MARCHF7: variants seen among roughly 807,000 people sequenced by gnomAD.
MARCHF7 encodes the protein E3 ubiquitin-protein ligase MARCHF7.
In MARCHF7, 20 loss-of-function variants were observed where a neutral mutation model predicts 76.5. The observed-to-expected ratio is 0.26, with a 90% CI of 0.18 to 0.38. MARCHF7 has a LOEUF of 0.38. Among genes scored for constraint, MARCHF7 ranks in the 10% least tolerant of loss-of-function variants. MARCHF7 has a pLI of 1.00. For missense variants in MARCHF7, 797 were observed against 812.9 expected (o/e 0.98, Z 0.24); for synonymous variants, 295 against 293.0 (o/e 1.01, Z -0.07).
rs772021180 is a variant in MARCHF7 at position 159,748,443 on chromosome 2, T to C, written c.1153T>C (p.Trp385Arg). 2.5e-6 allele frequency: 4 copies of C among 1,614,138 alleles called. No homozygotes were observed. The South Asian group carries it at 4.4e-5, about 18-fold the overall frequency. The change falls in exon 7 of 12, where the codon TGG becomes CGG. Residue 385 changes from tryptophan to arginine, a missense_variant. Around this residue, in one of 3 missense-constraint regions of MARCHF7, gnomAD observed 643 missense variants for 631.5 expected, o/e 1.02. Coordinates refer to ENST00000409175, the MANE Select transcript of MARCHF7 (RefSeq NM_001282805.2). ...ATCTGAAGGTAGAAATACAGGACCA[T>C]GGTTATCTTCCTCACTTAGAAATAG... ...QESEGRNTGP[W>R]LSSSLRNRCT...
rs1708114691 is a variant in MARCHF7, at chr2:159,770,625, AC to A, written c.*3285del. 3 of 152,202 alleles carry A rather than the reference AC, an allele frequency of 2.0e-5. No homozygotes were observed. The highest frequency in any genetic ancestry group is 2.0e-4 in the Admixed American group (3 of 15,280). 9.4% of individuals were successfully genotyped at this position (152,202 alleles called of 1,614,324 possible). A position where few individuals can be genotyped will look rare whatever the true frequency, so the allele number is the denominator to read the frequency against. Reference sequence around the variant, plus strand: ...GACAGTATACTTCAGTCAGTAATGGACCACATATAGAACAGTGTTTCCTTAG... The same window carrying A: ...GACAGTATACTTCAGTCAGTAATGGACACATATAGAACAGTGTTTCCTTAG... On this transcript the variant is annotated 3_prime_UTR_variant, in exon 12 of 12. Coordinates refer to ENST00000409175, the MANE Select transcript of MARCHF7 (RefSeq NM_001282805.2).
Position 159,718,341 on chromosome 2 carries a change from T to A in MARCHF7, c.-15+2575T>A, listed in dbSNP as rs1701265405. 3.3e-5 allele frequency among the ~76,000 whole-genome samples: 5 copies of A among 152,330 alleles called. No homozygotes were observed. The South Asian group carries it at 1.0e-3, about 32-fold the overall frequency. ...GGAAAAAAATAGGAAATGAATTTTA[T>A]TAATATATTAAATACATATTTATTA... On this transcript the variant is annotated intron_variant, in intron 3 of 11. Coordinates refer to ENST00000409175, the MANE Select transcript of MARCHF7 (RefSeq NM_001282805.2).
intron 4 of MARCHF7, among the ~76,000 whole-genome samples, chr2:159,738,807 C>T (rs1703773850): frequency 6.6e-6 from 1 of 152,200 alleles, no homozygotes; most frequent in African/African-American, 2.4e-5. Context: ...CAGGCCATCC[C>T]AGGCTTAAAG....
chr2:159,736,682 T>C (rs988323989), intron 4 of MARCHF7, among the ~76,000 whole-genome samples: 2 of 152,248 alleles, frequency 1.3e-5, no homozygotes, highest in Non-Finnish European at 2.9e-5. Context: ...ATGATTTCAT[T>C]GACTATACTT....
intron 4 of MARCHF7, among the ~76,000 whole-genome samples, chr2:159,732,337 A>T (rs1702914352): frequency 6.6e-6 from 1 of 152,160 alleles, no homozygotes; most frequent in African/African-American, 2.4e-5. Context: ...ATTTTTATAA[A>T]TTTTAGGTAT....
chr2:159,716,307 TAATG>T (rs957979527), intron 3 of MARCHF7, among the ~76,000 whole-genome samples: 1 of 151,482 alleles, frequency 6.6e-6, no homozygotes, highest in African/African-American at 2.4e-5. Flanking sequence ...TATATGTAAA[TAATG>T]AAATAGTAAC....
At position 159,770,065 on chromosome 2, in the gene MARCHF7, C is replaced by T. The variant is rs1708086120; in HGVS notation, c.*2723C>T. 6.6e-6 allele frequency: 1 copy of T among 152,174 alleles called. No individual in the cohort carries two copies. The allele number at this position is 152,174 out of a possible 1,614,324, so 9.4% of individuals were successfully genotyped here. ...AGTTGGACTTAATCACTTTCCTACC[C>T]AAATTCTACCACTCCTTTAAGAACT... On this transcript the variant is annotated 3_prime_UTR_variant, in exon 12 of 12. Transcript: ENST00000409175.
At chr2:159,751,767 A>T (rs1187659795) in intron 7 of MARCHF7, among the ~76,000 whole-genome samples, 5 of 152,198 alleles carry the variant, frequency 3.3e-5, no homozygotes, top group Admixed American at 6.5e-5. Context: ...ATGGCCTGTT[A>T]AATAGAGGAC....
In MARCHF7 at chr2:159,752,669, T is replaced by C. The variant is rs967713704; in HGVS notation, c.1783+98T>C. On this transcript the variant is annotated intron_variant, in intron 8 of 11. Coordinates refer to ENST00000409175, the MANE Select transcript of MARCHF7 (RefSeq NM_001282805.2). Reference sequence around the variant, plus strand: ...TTATAGATTGTTGAATTTAGACTTTTAACAAGTGTCTTAATCATTTTTGAA... The same window carrying C: ...TTATAGATTGTTGAATTTAGACTTTCAACAAGTGTCTTAATCATTTTTGAA... The C allele has an allele frequency of 2.1e-5, 23 of 1,107,188 alleles. No individual in the cohort carries two copies. The South Asian group carries it at 2.3e-4, about 11-fold the overall frequency. 68.6% of individuals were successfully genotyped at this position (1,107,188 alleles called of 1,614,324 possible). A position where few individuals can be genotyped will look rare whatever the true frequency, so the allele number is the denominator to read the frequency against.
intron 5 of MARCHF7, among the ~76,000 whole-genome samples, chr2:159,745,242 GAGA>G (rs1421630910): frequency 6.6e-6 from 1 of 152,226 alleles, no homozygotes. Context: ...ATGTTAGGCA[GAGA>G]AGAATATGTT....
intron 4 of MARCHF7, among the ~76,000 whole-genome samples, chr2:159,742,003 G>A (rs1438488007): frequency 6.6e-6 from 1 of 152,116 alleles, no homozygotes; most frequent in Non-Finnish European, 1.5e-5. Context: ...GTTGAAATAT[G>A]TTGTCAATTA....
At chr2:159,724,837 C>T (rs532796790) in intron 3 of MARCHF7, among the ~76,000 whole-genome samples, 9 of 152,304 alleles carry the variant, frequency 5.9e-5, no homozygotes, top group African/African-American at 2.2e-4. Context: ...CCCCCTCCCC[C>T]TACCCTAAAA....
chr2:159,755,569 C>T (rs960743008), intron 8 of MARCHF7, among the ~76,000 whole-genome samples: 12 of 151,950 alleles, frequency 7.9e-5, no homozygotes, highest in East Asian at 3.9e-4. Context: ...ATATAGGTAT[C>T]GTTAGTCAGG....
intron 8 of MARCHF7, among the ~76,000 whole-genome samples, chr2:159,753,673 T>C (rs1705944475): frequency 6.6e-6 from 1 of 152,192 alleles, no homozygotes; most frequent in Non-Finnish European, 1.5e-5. Context: ...AATGAAATGA[T>C]CTTATTAATA....
chr2:159,717,952 A>G (rs1386063476), intron 3 of MARCHF7, among the ~76,000 whole-genome samples: 1 of 152,238 alleles, frequency 6.6e-6, no homozygotes, highest in South Asian at 2.1e-4. Flanking sequence ...ATGTTTTACT[A>G]TGTGTTAAAG....
chr2:159,725,271 A>G (rs1044182126), intron 3 of MARCHF7, among the ~76,000 whole-genome samples: 1 of 152,230 alleles, frequency 6.6e-6, no homozygotes, highest in African/African-American at 2.4e-5. Flanking sequence ...GTCTTCCAGG[A>G]TGGTTAAACT....
chr2:159,732,900 C>A, intron 4 of MARCHF7: 1 of 985,156 alleles, frequency 1.0e-6, no homozygotes, highest in Non-Finnish European at 1.2e-6. Flanking sequence ...CATACAGCCA[C>A]ATCTATATGT....
At chr2:159,726,353 C>T (rs1378811700) in intron 3 of MARCHF7, among the ~76,000 whole-genome samples, 3 of 152,280 alleles carry the variant, frequency 2.0e-5, no homozygotes, top group African/African-American at 7.2e-5. Flanking sequence ...AGCTCCGCCT[C>T]CCGGGTTCAC....
intron 4 of MARCHF7, 85 bp from the exon 5 acceptor site, chr2:159,742,976 T>C: frequency 8.5e-7 from 1 of 1,181,180 alleles, no homozygotes; most frequent in Admixed American, 2.4e-5. Flanking sequence ...AATTGATGCT[T>C]GTGGGAATTT....
Sources: allele counts gnomAD v4.1 joint callset (sites outside exome capture counted in the v4.1 genomes callset), GRCh38; gene constraint gnomAD v4.1.1; regional missense constraint gnomAD v4.1.1; transcripts MANE v1.5; gene names NCBI Gene and HGNC (gene_info 2026-07-23, HGNC 2026-07-21).